The following SI variants were observed in gnomAD, a reference collection of about 807,000 sequenced individuals.
The protein encoded by SI is sucrase-isomaltase, also known as sucrase-isomaltase, intestinal.
A neutral mutation model predicts 253.3 loss-of-function variants in SI; 235 were observed. The observed-to-expected ratio is 0.93, with a 90% CI of 0.83 to 1.03. The LOEUF is 1.03. Ranked by LOEUF, SI falls within the 50% of genes least tolerant of loss-of-function variation. The pLI, the probability that SI is intolerant of heterozygous loss-of-function variation, is 0.00. For synonymous variants in SI, 819 were observed against 712.0 expected, an observed-to-expected ratio of 1.15 and a Z score of -2.39; for missense variants, 2,442 against 2,211.1, an observed-to-expected ratio of 1.10 and a Z score of -2.09.
intron 17 of SI, among the ~76,000 whole-genome samples, chr3:165,042,557 T>G (rs138277869): frequency 6.6e-6 from 1 of 152,264 alleles, no homozygotes; most frequent in African/African-American, 2.4e-5. Flanking sequence ...TTTAAAAGTG[T>G]TAGTTTTGTT....
In SI at chr3:165,008,016, GA is replaced by G; in HGVS notation, c.4180-19del. On this transcript the variant is annotated intron_variant, in intron 35 of 47. Coordinates refer to ENST00000264382, the MANE Select transcript of SI (RefSeq NM_001041.4). The stretch of plus-strand genomic sequence containing the variant: ...TTCATATCCTTAAAAAAAGATGAAA[GA>G]AAAAGGTAAACAAAAGATAAATTTA... 6 of 1,302,490 alleles carry G rather than the reference GA, an allele frequency of 4.6e-6. No homozygotes were observed. Among genetic ancestry groups the G allele is most frequent in the Non-Finnish European group, 5.6e-6 (5 of 900,136 alleles). The allele number at this position is 1,302,490 out of a possible 1,614,324, so 80.7% of individuals were successfully genotyped here.
Position 164,996,573 on chromosome 3 carries a change from A to G in SI, c.4654T>C (p.Tyr1552His). The change falls in exon 40 of 48, where the codon TAT becomes CAT. Residue 1552 changes from tyrosine (Y) to histidine (H), a missense_variant. Coordinates refer to ENST00000264382, the MANE Select transcript of SI (RefSeq NM_001041.4). ...CTRWMQLGAF[Y>H]PYSRNHNIAN... ...ATGTTGTGATTCCTTGAGTATGGAT[A>G]AAATGCTCCAAGTTGCATCCAGCGG... 1 of 1,606,406 alleles carries G rather than the reference A, an allele frequency of 6.2e-7. No homozygotes were observed. The highest frequency in any genetic ancestry group is 1.3e-5 in the African/African-American group (1 of 74,814).
intron 8 of SI, among the ~76,000 whole-genome samples, 172 bp downstream of exon 8, chr3:165,063,270 C>A (rs923475345): frequency 6.6e-6 from 1 of 151,842 alleles, no homozygotes; most frequent in Non-Finnish European, 1.5e-5. Flanking sequence ...CGCTGGCATG[C>A]AAAAATTGAT....
chr3:164,992,445 T>C (rs1354120256), intron 41 of SI, 48 bp from the exon 42 acceptor site: 1 of 1,211,832 alleles, frequency 8.3e-7, no homozygotes, highest in African/African-American at 1.5e-5. Flanking sequence ...ATAACTTTCT[T>C]CTGAATACCA....
Position 164,979,321 on chromosome 3 carries a change from TG to T in SI, c.*40del. 1 of 1,147,346 alleles carries T rather than the reference TG, an allele frequency of 8.7e-7. No homozygotes were observed. 71.1% of individuals were successfully genotyped at this position (1,147,346 alleles called of 1,614,324 possible). A position where few individuals can be genotyped will look rare whatever the true frequency, so the allele number is the denominator to read the frequency against. ...TGTAAGTGCTGTGAAACTTAAATCC[TG>T]GTGTTTTTTCCCATTGACAACTAAA... On this transcript the variant is annotated 3_prime_UTR_variant, in exon 48 of 48. Transcript: ENST00000264382.
intron 5 of SI, 55 bp downstream of exon 5, chr3:165,068,667 C>T (rs1714385064): frequency 7.6e-7 from 1 of 1,315,578 alleles, no homozygotes; most frequent in African/African-American, 1.5e-5. Flanking sequence ...GCCACCGCGC[C>T]CAGCCCATCA....
chr3:165,042,171 CAG>C (rs1712868589), intron 17 of SI, among the ~76,000 whole-genome samples: 1 of 152,082 alleles, frequency 6.6e-6, no homozygotes, highest in South Asian at 2.1e-4. Context: ...CAAGTGAACG[CAG>C]AGTGTCATGT....
At chr3:165,050,745 G>A (rs764863782) in intron 13 of SI, among the ~76,000 whole-genome samples, 7 of 151,838 alleles carry the variant, frequency 4.6e-5, no homozygotes, top group Non-Finnish European at 8.8e-5. Context: ...TCACATCCTT[G>A]TCTGTGTTAC....
At chr3:165,058,515 A>T (rs1044788475) in intron 12 of SI, among the ~76,000 whole-genome samples, 2 of 151,972 alleles carry the variant, frequency 1.3e-5, no homozygotes, top group Admixed American at 6.6e-5. Context: ...AATATAAACA[A>T]AGTCAACTAA....
rs1417216736 is a variant in SI at position 164,989,431 on chromosome 3, AGAAAG to A, written c.5108+1917_5108+1921del. Among the ~76,000 whole-genome samples the A allele has an allele frequency of 6.0e-5, 9 of 149,402 alleles. No individual in the cohort carries two copies. In the East Asian group the frequency reaches 1.4e-3, roughly 23 times the overall value. Reference sequence around the variant, plus strand: ...AAGAAAGAAAGAAAGAAAGAAAGAAAGAAAGGAAAGAAAGAAGAGAGGAGAGGAGA... The same window carrying A: ...AAGAAAGAAAGAAAGAAAGAAAGAAAGAAAGAAAGAAGAGAGGAGAGGAGA... On this transcript the variant is annotated intron_variant, in intron 44 of 47. Transcript: ENST00000264382.
At chr3:165,072,512 A>C (rs957889330) in intron 3 of SI, among the ~76,000 whole-genome samples, 2 of 152,086 alleles carry the variant, frequency 1.3e-5, no homozygotes, top group African/African-American at 4.8e-5. Flanking sequence ...GCAAATATTT[A>C]GGCCCGTTTT....
chr3:165,062,551 CCA>C, intron 8 of SI, 68 bp from the exon 9 acceptor site: 1 of 788,034 alleles, frequency 1.3e-6, no homozygotes, highest in Non-Finnish European at 2.3e-6. Flanking sequence ...ATTGCAAAGT[CCA>C]TTTAAATTAA....
chr3:165,007,063 A>G (rs1718547199), intron 36 of SI, 109 bp from the exon 37 acceptor site: 10 of 829,972 alleles, frequency 1.2e-5, no homozygotes, highest in Non-Finnish European at 1.9e-5. Context: ...AGTGTTTTAT[A>G]AAACCTATGT....
chr3:165,011,070 A>G (rs1335530120), intron 34 of SI, among the ~76,000 whole-genome samples: 1 of 152,134 alleles, frequency 6.6e-6, no homozygotes, highest in Non-Finnish European at 1.5e-5. Context: ...AAGGATCACC[A>G]ACTCTTAGTT....
intron 25 of SI, among the ~76,000 whole-genome samples, chr3:165,028,986 CA>C (rs1448979126): frequency 1.3e-5 from 2 of 151,462 alleles, no homozygotes; most frequent in Non-Finnish European, 3.0e-5. Context: ...AGTAAACAGA[CA>C]ACCCACAGAG....
chr3:165,070,809 TAAAGC>T (rs1189482870), intron 3 of SI, among the ~76,000 whole-genome samples: 2 of 152,036 alleles, frequency 1.3e-5, no homozygotes, highest in Admixed American at 1.3e-4. Context: ...AAAGGTGACT[TAAAGC>T]AACAGAAATT....
intron 41 of SI, among the ~76,000 whole-genome samples, chr3:164,993,139 C>T (rs1434283301): frequency 3.3e-5 from 5 of 151,522 alleles, no homozygotes; most frequent in African/African-American, 4.8e-5. Flanking sequence ...AAGTAGAAAC[C>T]GAGGTAATCT....
chr3:164,994,250 T>C lies in SI; in HGVS notation c.4841+7A>G, dbSNP rs1407741192. 1.2e-6 allele frequency: 2 copies of C among 1,609,484 alleles called. No individual in the cohort carries two copies. The highest frequency in any genetic ancestry group is 1.7e-6 in the Non-Finnish European group (2 of 1,176,950). On this transcript the variant is annotated splice_region_variant and intron_variant, in intron 41 of 47. Coordinates refer to ENST00000264382, the MANE Select transcript of SI (RefSeq NM_001041.4). The stretch of plus-strand genomic sequence containing the variant: ...CTGTGATAAGAGAAAACAAACTTTG[T>C]ACTTACTCATGCAAAAGGGGTCGGA...
At chr3:165,038,348 A>C (rs1033440267) in intron 20 of SI, among the ~76,000 whole-genome samples, 1 of 151,972 alleles carries the variant, frequency 6.6e-6, no homozygotes, top group African/African-American at 2.4e-5. Flanking sequence ...TCTTAAAATC[A>C]TTATTTCCGT....
Sources: allele counts gnomAD v4.1 joint callset (sites outside exome capture counted in the v4.1 genomes callset), GRCh38; gene constraint gnomAD v4.1.1; transcripts MANE v1.5; gene names NCBI Gene and HGNC (gene_info 2026-07-23, HGNC 2026-07-21).